NEB: variants seen among roughly 807,000 people sequenced by gnomAD.
The protein encoded by NEB is nemaline myopathy type 2.
A neutral mutation model predicts 952.2 loss-of-function variants in NEB; 512 were observed. The ratio of observed to expected loss-of-function variants is 0.54; its 90% CI spans 0.50 to 0.58. The LOEUF is 0.58. Ranked by LOEUF, NEB falls within the 20% of genes least tolerant of loss-of-function variation. NEB has a pLI of 0.00. For synonymous variants in NEB, 2,900 were observed against 3,149.8 expected (o/e 0.92, Z 2.66); for missense variants, 8,428 against 9,231.1 (o/e 0.91, Z 3.56).
At position 151,640,023 on chromosome 2, in the gene NEB, A is replaced by G. The variant is rs1308988714; in HGVS notation, c.8723T>C (p.Ile2908Thr). Residue 2908 changes from isoleucine to threonine, a missense_variant, in exon 62 of 182, where the codon ATT (isoleucine) becomes ACT (threonine). Around this residue, in one of 11 missense-constraint regions of NEB, gnomAD observed 1,772 missense variants for 1,960.3 expected, o/e 0.90. Coordinates refer to ENST00000397345, the MANE Select transcript of NEB (RefSeq NM_001164508.2). The stretch of plus-strand genomic sequence containing the variant: ...CAAAGAGCCAATGGACACCCAGCCA[A>G]TGCCTCTCATCCACTGGAGATCAGA... Reference protein sequence around the residue: ...YKSDLQWMRGIGWVSIGSLDV... With the variant: ...YKSDLQWMRGTGWVSIGSLDV... 6.2e-7 allele frequency: 1 copy of G among 1,613,968 alleles called. No homozygotes were observed. The highest frequency in any genetic ancestry group is 1.1e-5 in the South Asian group (1 of 91,086).
chr2:151,520,039 CA>C (rs5835369), intron 153 of NEB: 90,897 of 158,968 alleles, frequency 0.57, 21,506 homozygotes, highest in Admixed American at 0.68. Flanking sequence ...TAATGCAAAA[CA>C]AAAAAAAAAA....
chr2:151,564,404 C>T (rs1298920162), intron 117 of NEB, among the ~76,000 whole-genome samples: 3 of 152,160 alleles, frequency 2.0e-5, no homozygotes, highest in Non-Finnish European at 4.4e-5. Flanking sequence ...CTACCAACCT[C>T]ACCCTCCCAA....
intron 142 of NEB, chr2:151,534,153 C>T: frequency 8.5e-7 from 1 of 1,181,370 alleles, no homozygotes; most frequent in Non-Finnish European, 1.2e-6. Flanking sequence ...GACGGGATGA[C>T]ATCTCATGAG....
At chr2:151,672,203 G>T (rs2099309921) in intron 37 of NEB, among the ~76,000 whole-genome samples, 166 bp downstream of exon 37, 1 of 152,132 alleles carries the variant, frequency 6.6e-6, no homozygotes. Context: ...ACAGAAAGCA[G>T]GCAAAAACAG....
intron 60 of NEB, 92 bp from the exon 61 acceptor site, chr2:151,640,758 A>T (rs534028054): frequency 1.0e-4 from 131 of 1,261,942 alleles, no homozygotes; most frequent in Admixed American, 8.6e-4. Flanking sequence ...TAAAAAAAAA[A>T]TTTTCCCTGA....
intron 46 of NEB, among the ~76,000 whole-genome samples, chr2:151,660,545 A>C (rs2099135493): frequency 6.6e-6 from 1 of 152,222 alleles, no homozygotes; most frequent in Non-Finnish European, 1.5e-5. Flanking sequence ...AATAGATGAT[A>C]AATGCTATCT....
chr2:151,697,755 C>G lies in NEB; in HGVS notation c.1153-107G>C. 3 of 761,672 alleles carry G rather than the reference C, an allele frequency of 3.9e-6. No homozygotes were observed. The South Asian group carries it at 6.0e-5, about 15-fold the overall frequency. The allele number at this position is 761,672 out of a possible 1,614,324, so 47.2% of individuals were successfully genotyped here. A position where few individuals can be genotyped will look rare whatever the true frequency, so the allele number is the denominator to read the frequency against. On this transcript the variant is annotated intron_variant, in intron 13 of 181. Coordinates refer to ENST00000397345, the MANE Select transcript of NEB (RefSeq NM_001164508.2). ...ACAAAAGATGAAGAAAAGATATCGC[C>G]TGTCAACTGTCTTAAAAACTGACAA...
intron 48 of NEB, among the ~76,000 whole-genome samples, chr2:151,657,740 C>A (rs1267280432): frequency 6.6e-6 from 1 of 152,138 alleles, no homozygotes; most frequent in Non-Finnish European, 1.5e-5. Flanking sequence ...GTGACAGATT[C>A]AAAGTAAGTT....
At chr2:151,507,128 C>T in intron 162 of NEB, 115 bp from the exon 163 acceptor site, 2 of 671,282 alleles carry the variant, frequency 3.0e-6, no homozygotes, top group Non-Finnish European at 5.0e-6. Context: ...AAAGTCTATG[C>T]ACAATAATTA....
chr2:151,663,968 A>C, intron 44 of NEB, 109 bp from the exon 45 acceptor site: 9 of 1,153,918 alleles, frequency 7.8e-6, no homozygotes, highest in Non-Finnish European at 1.1e-5. Flanking sequence ...GAGCTACTCT[A>C]AAATTGGAAG....
intron 60 of NEB, among the ~76,000 whole-genome samples, chr2:151,641,635 C>T (rs528223952): frequency 1.4e-4 from 22 of 152,128 alleles, no homozygotes; most frequent in Non-Finnish European, 2.9e-4. Flanking sequence ...CTGACCTATA[C>T]ACATGATTTT....
At position 151,562,783 on chromosome 2, in the gene NEB, T is replaced by A; in HGVS notation, c.18719A>T (p.Asp6240Val). Reference protein sequence around the residue: ...SALNYRKHYEDTKANVHIPND... With the variant: ...SALNYRKHYEVTKANVHIPND... ...GGGGATATGAACATTTGCTTTGGTA[T>A]CCTCATAATGTTTTCTGTAGTTCAA... The change falls in exon 120 of 182, where the codon GAT becomes GTT. Residue 6240 changes from aspartate to valine, a missense_variant. By Grantham distance (152) the Asp-to-Val change is radical (BLOSUM62 -3). Transcript: ENST00000397345. The A allele has an allele frequency of 6.3e-7, 1 of 1,581,046 alleles. No individual in the cohort carries two copies. The highest frequency in any genetic ancestry group is 8.6e-7 in the Non-Finnish European group (1 of 1,161,640).
At chr2:151,666,055 T>C in intron 41 of NEB, 35 bp downstream of exon 41, 1 of 1,572,762 alleles carries the variant, frequency 6.4e-7, no homozygotes, top group South Asian at 1.2e-5. Flanking sequence ...TCCCACCCAT[T>C]AGAAATGGAT....
At position 151,674,564 on chromosome 2, in the gene NEB, C is replaced by A; in HGVS notation, c.3900G>T (p.Trp1300Cys). 6 of 1,612,408 alleles carry A rather than the reference C, an allele frequency of 3.7e-6. No homozygotes were observed. Among genetic ancestry groups the A allele is most frequent in the Non-Finnish European group, 5.1e-6 (6 of 1,178,526 alleles). The stretch of plus-strand genomic sequence containing the variant: ...TGTTGCCCTTGGCTATTAAGTCATA[C>A]CAATCCCGTTTATAACAGACCTGGA... ...NISDVCYKRD[W>C]YDLIAKGNNV... Residue 1300 changes from tryptophan (W) to cysteine (C), a missense_variant, in exon 36 of 182, where the codon TGG (tryptophan) becomes TGT (cysteine). Around this residue, in one of 11 missense-constraint regions of NEB, gnomAD observed 2,851 missense variants for 2,791.5 expected, o/e 1.02. Transcript: ENST00000397345.
At chr2:151,545,525 A>G (rs2094567555) in intron 135 of NEB, among the ~76,000 whole-genome samples, 1 of 152,054 alleles carries the variant, frequency 6.6e-6, no homozygotes, top group Non-Finnish European at 1.5e-5. Context: ...CAGTGAGCCG[A>G]GATTGCGCCA....
At chr2:151,487,632 A>G (rs185692915) in intron 181 of NEB, among the ~76,000 whole-genome samples, 46 of 152,160 alleles carry the variant, frequency 3.0e-4, no homozygotes, top group Admixed American at 9.2e-4. Flanking sequence ...TTTAGTTGTC[A>G]CCATTTTTTC....
chr2:151,518,942 C>G (rs781181677), intron 155 of NEB, 23 bp downstream of exon 155: 2 of 1,549,014 alleles, frequency 1.3e-6, no homozygotes, highest in Admixed American at 1.7e-5. Context: ...CAAGCTGTTT[C>G]TGGAGCAAAT....
chr2:151,551,620 C>T, intron 129 of NEB, 118 bp downstream of exon 129: 1 of 761,204 alleles, frequency 1.3e-6, no homozygotes, highest in Non-Finnish European at 2.2e-6. Flanking sequence ...TTTTTCACCT[C>T]ATGTGAATAG....
chr2:151,555,781 T>C (rs2095611431), intron 124 of NEB, among the ~76,000 whole-genome samples: 1 of 152,040 alleles, frequency 6.6e-6, no homozygotes, highest in Non-Finnish European at 1.5e-5. Flanking sequence ...CCAACCAAAA[T>C]TTCCACTAGA....
Sources: allele counts gnomAD v4.1 joint callset (sites outside exome capture counted in the v4.1 genomes callset), GRCh38; gene constraint gnomAD v4.1.1; regional missense constraint gnomAD v4.1.1; transcripts MANE v1.5; gene names NCBI Gene and HGNC (gene_info 2026-07-23, HGNC 2026-07-21).